PDE10A: variants seen among roughly 807,000 people sequenced by gnomAD.
PDE10A encodes the protein cAMP and cAMP-inhibited cGMP 3',5'-cyclic phosphodiesterase 10A.
In PDE10A, 39 loss-of-function variants were observed where a neutral mutation model predicts 97.7. The observed-to-expected ratio is 0.40, with a 90% CI of 0.31 to 0.52. The LOEUF (loss-of-function observed/expected upper bound fraction) is 0.52, where lower values mean the gene tolerates loss of function less well. Ranked by LOEUF, PDE10A falls within the 20% of genes least tolerant of loss-of-function variation. The pLI is 0.56. For missense variants in PDE10A, 731 were observed against 1,047.8 expected, an observed-to-expected ratio of 0.70 and a Z score of 4.17; for synonymous variants, 371 against 376.8, an observed-to-expected ratio of 0.98 and a Z score of 0.18.
chr6:165,795,910 C>A (rs1446105157), intron 1 of PDE10A, among the ~76,000 whole-genome samples: 2 of 152,090 alleles, frequency 1.3e-5, no homozygotes, highest in African/African-American at 4.8e-5. Flanking sequence ...CCCTCCATAC[C>A]TCCTCAGACT....
At position 165,819,514 on chromosome 6, in the gene PDE10A, G is replaced by A. The variant is rs1024484809; in HGVS notation, c.-615+168015C>T. ...TGCTGCCCTCTGACTGCAGGGTGCC[G>A]GCAGCCTCCTCCGACCTCCGAAGAG... On this transcript the variant is annotated intron_variant, in intron 1 of 19. Coordinates refer to the PDE10A transcript ENST00000366882. This position sits in a 1 kb window ranked among gnomAD's most constrained non-coding sequence, Gnocchi z 4.2. Among the ~76,000 whole-genome samples, 10 of 152,154 alleles carry A rather than the reference G, an allele frequency of 6.6e-5. No individual in the cohort carries two copies. The highest frequency in any genetic ancestry group is 9.6e-5 in the African/African-American group (4 of 41,508).
Position 165,959,598 on chromosome 6 carries a change from G to A in PDE10A, c.-615+27931C>T, listed in dbSNP as rs147577570. 7.8e-4 allele frequency among the ~76,000 whole-genome samples: 119 copies of A among 152,244 alleles called. 2 individuals are homozygous for A. The East Asian group carries it at 0.02, about 25-fold the overall frequency. On this transcript the variant is annotated intron_variant, in intron 1 of 19. Transcript: ENST00000366882. Reference sequence around the variant, plus strand: ...AAGTCAGCTTAAAAACTGTTTCCCTGGATAATGTTCCATCCACACCCTCTG... The same window carrying A: ...AAGTCAGCTTAAAAACTGTTTCCCTAGATAATGTTCCATCCACACCCTCTG...
At chr6:165,710,976 A>C (rs1390681057) in intron 1 of PDE10A, among the ~76,000 whole-genome samples, 2 of 152,244 alleles carry the variant, frequency 1.3e-5, no homozygotes, top group Non-Finnish European at 2.9e-5. Context: ...AGGGCAGACC[A>C]TCCCCGTGGG....
At chr6:165,756,848 G>A (rs903489586) in intron 1 of PDE10A, among the ~76,000 whole-genome samples, 2 of 152,052 alleles carry the variant, frequency 1.3e-5, no homozygotes, top group Non-Finnish European at 2.9e-5. Flanking sequence ...TGTGAAAAAC[G>A]GCATCTCAGT....
intron 1 of PDE10A, among the ~76,000 whole-genome samples, chr6:165,657,337 G>C (rs918550135): frequency 6.6e-6 from 1 of 152,242 alleles, no homozygotes; most frequent in African/African-American, 2.4e-5. Context: ...TTAGAGAAAT[G>C]ATCAGCTGGA....
At chr6:165,642,679 A>G (rs1255829371) in intron 1 of PDE10A, among the ~76,000 whole-genome samples, 1 of 152,180 alleles carries the variant, frequency 6.6e-6, no homozygotes, top group Admixed American at 6.5e-5. Flanking sequence ...TGTTGGCTGT[A>G]CCAGTCCGGC....
intron 3 of PDE10A, 32 bp from the exon 4 acceptor site, chr6:165,450,394 G>A: frequency 7.3e-7 from 1 of 1,366,298 alleles, no homozygotes; most frequent in Non-Finnish European, 1.0e-6. Context: ...AATAAAAACA[G>A]AGTTTAAATA....
At chr6:165,642,553 C>T (rs576445658) in intron 1 of PDE10A, among the ~76,000 whole-genome samples, 4 of 152,208 alleles carry the variant, frequency 2.6e-5, no homozygotes, top group Non-Finnish European at 5.9e-5. Context: ...ATTCTGGTTA[C>T]AACAGTGGTA....
Position 165,809,228 on chromosome 6 carries a change from T to C in PDE10A, c.-615+178301A>G, listed in dbSNP as rs184439161. Among the ~76,000 whole-genome samples the C allele has an allele frequency of 2.5e-3, 383 of 152,262 alleles. 1 individual carries two copies. The highest frequency in any genetic ancestry group is 4.3e-3 in the Non-Finnish European group (291 of 68,006). On this transcript the variant is annotated intron_variant, in intron 1 of 19. Coordinates refer to the PDE10A transcript ENST00000366882. ...GCAGAAACACTGGTGCCCCCCTTCATCCTCTGCAGTCCTGGACTAAGCTGG... is the reference window on the plus strand; with the variant it reads ...GCAGAAACACTGGTGCCCCCCTTCACCCTCTGCAGTCCTGGACTAAGCTGG...
At chr6:165,408,412 A>G (rs745681524) in intron 13 of PDE10A, among the ~76,000 whole-genome samples, 1 of 152,038 alleles carries the variant, frequency 6.6e-6, no homozygotes, top group Non-Finnish European at 1.5e-5. Flanking sequence ...AATGCTCAAA[A>G]CAGCAAAGCA....
intron 1 of PDE10A, among the ~76,000 whole-genome samples, chr6:165,558,492 T>C (rs2128335813): frequency 6.6e-6 from 1 of 152,254 alleles, no homozygotes; most frequent in African/African-American, 2.4e-5. Context: ...ATGATATTCA[T>C]ATACAGACTT....
chr6:165,804,137 A>T (rs1180015480), intron 1 of PDE10A, among the ~76,000 whole-genome samples: 1 of 152,236 alleles, frequency 6.6e-6, no homozygotes, highest in East Asian at 1.9e-4. Context: ...TCACTTTATA[A>T]GTGAACAACA....
chr6:165,619,123 C>CGT, intron 1 of PDE10A, among the ~76,000 whole-genome samples: 1 of 22,240 alleles, frequency 4.5e-5, no homozygotes, highest in Admixed American at 3.9e-4. Context: ...TGTAGTCTAG[C>CGT]ATAGTCTAGT....
intron 2 of PDE10A, among the ~76,000 whole-genome samples, chr6:165,488,331 G>T (rs1050138157): frequency 6.6e-6 from 1 of 152,190 alleles, no homozygotes; most frequent in Non-Finnish European, 1.5e-5. Flanking sequence ...GCCTTAGCAA[G>T]GATAGTTTAT....
chr6:165,787,874 C>G (rs1042838147), intron 1 of PDE10A, among the ~76,000 whole-genome samples: 1 of 152,124 alleles, frequency 6.6e-6, no homozygotes, highest in African/African-American at 2.4e-5. Context: ...GATCTGAAAC[C>G]ATAGGAATAA....
chr6:165,498,896 G>A (rs529264619), intron 2 of PDE10A, among the ~76,000 whole-genome samples: 2 of 152,150 alleles, frequency 1.3e-5, no homozygotes, highest in East Asian at 1.9e-4. Context: ...ACTGTTCAAA[G>A]GAAAAATTAA....
At chr6:165,343,721 C>A (rs568894705) in intron 18 of PDE10A, among the ~76,000 whole-genome samples, 10 of 152,172 alleles carry the variant, frequency 6.6e-5, no homozygotes, top group Non-Finnish European at 1.5e-4. Context: ...GTGAGGAGTG[C>A]ATCATATGTT....
At chr6:165,444,479 T>C (rs1280302680) in intron 5 of PDE10A, among the ~76,000 whole-genome samples, 1 of 152,182 alleles carries the variant, frequency 6.6e-6, no homozygotes, top group Non-Finnish European at 1.5e-5. Flanking sequence ...TTAAAAATAC[T>C]ACTATTTTTC....
chr6:165,716,794 T>C (rs1352811399), intron 1 of PDE10A, among the ~76,000 whole-genome samples: 5 of 152,236 alleles, frequency 3.3e-5, no homozygotes, highest in African/African-American at 1.2e-4. Context: ...CAAAATCTTT[T>C]ATTTGCAATG....
Sources: allele counts gnomAD v4.1 joint callset (sites outside exome capture counted in the v4.1 genomes callset), GRCh38; gene constraint gnomAD v4.1.1; non-coding constraint Gnocchi (gnomAD v3.1); transcripts MANE v1.5; gene names NCBI Gene and HGNC (gene_info 2026-07-23, HGNC 2026-07-21).